SCARA5: variants seen among roughly 807,000 people sequenced by gnomAD.
The protein encoded by SCARA5 is scavenger receptor class A member 5.
A neutral mutation model predicts 46.3 loss-of-function variants in SCARA5; 45 were observed. The observed-to-expected ratio is 0.97, with a 90% CI of 0.76 to 1.24. The LOEUF is 1.24. SCARA5 is among the 50% of genes most tolerant of loss of function. The pLI is 0.00. For synonymous variants in SCARA5, 333 were observed against 306.5 expected, an observed-to-expected ratio of 1.09 and a Z score of -0.90; for missense variants, 680 against 689.0, an observed-to-expected ratio of 0.99 and a Z score of 0.15.
chr8:27,937,178 T>C (rs1807870457), intron 3 of SCARA5, among the ~76,000 whole-genome samples: 2 of 152,128 alleles, frequency 1.3e-5, no homozygotes, highest in Non-Finnish European at 2.9e-5. Flanking sequence ...AATACTGTAG[T>C]AGTATAAAGT....
intron 2 of SCARA5, among the ~76,000 whole-genome samples, chr8:27,980,962 G>T (rs1203745295): frequency 6.6e-6 from 1 of 152,104 alleles, no homozygotes; most frequent in Admixed American, 6.5e-5. Context: ...TGTTTCCTGG[G>T]AGTCCCTGGG....
At chr8:27,986,530 C>T (rs1222146762) in intron 2 of SCARA5, among the ~76,000 whole-genome samples, 1 of 152,116 alleles carries the variant, frequency 6.6e-6, no homozygotes, top group African/African-American at 2.4e-5. Flanking sequence ...GAAGAAGAGC[C>T]ACCATGGTGG....
In SCARA5 at chr8:27,871,475, GGGGA is replaced by G; in HGVS notation, c.*455_*458del. 6.1e-6 allele frequency: 6 copies of G among 990,184 alleles called. No individual in the cohort carries two copies. Among genetic ancestry groups the G allele is most frequent in the Non-Finnish European group, 7.2e-6 (6 of 832,786 alleles). The allele number at this position is 990,184 out of a possible 1,614,324, so 61.3% of individuals were successfully genotyped here. A position where few individuals can be genotyped will look rare whatever the true frequency, so the allele number is the denominator to read the frequency against. On this transcript the variant is annotated 3_prime_UTR_variant, in exon 9 of 9. Transcript: ENST00000354914. ...TCATCACTTGACGTTGCCTCTTGCTGGGGAGGAAGATGTAGAAACTCTTGGACTA... is the reference window on the plus strand; with the variant it reads ...TCATCACTTGACGTTGCCTCTTGCTGGGAAGATGTAGAAACTCTTGGACTA...
At chr8:27,985,256 T>A (rs1313423302) in intron 2 of SCARA5, among the ~76,000 whole-genome samples, 2 of 151,610 alleles carry the variant, frequency 1.3e-5, no homozygotes, top group African/African-American at 2.4e-5. Flanking sequence ...GGAGCTGAGC[T>A]AAGTCCTGGG....
chr8:27,957,171 GA>G (rs1307152969), intron 3 of SCARA5, among the ~76,000 whole-genome samples: 3 of 152,144 alleles, frequency 2.0e-5, no homozygotes, highest in Non-Finnish European at 2.9e-5. Flanking sequence ...TGCTTAAATA[GA>G]AAAGCTCCTT....
chr8:27,965,684 T>C (rs1044308691), intron 3 of SCARA5, among the ~76,000 whole-genome samples: 1 of 152,216 alleles, frequency 6.6e-6, no homozygotes, highest in Non-Finnish European at 1.5e-5. Context: ...CTTACTTGCG[T>C]CCAGTCCTAC....
chr8:27,957,426 C>A (rs148071375), intron 3 of SCARA5, among the ~76,000 whole-genome samples: 1 of 152,238 alleles, frequency 6.6e-6, no homozygotes, highest in Non-Finnish European at 1.5e-5. Context: ...CACAACACTT[C>A]GAAGTGGGCA....
At chr8:27,909,596 A>G in intron 5 of SCARA5, 67 bp downstream of exon 5, 1 of 1,161,574 alleles carries the variant, frequency 8.6e-7, no homozygotes, top group Non-Finnish European at 1.3e-6. Context: ...TTATACCATC[A>G]AGAAAGTAGC....
At chr8:27,876,449 CA>C (rs560588961) in intron 8 of SCARA5, among the ~76,000 whole-genome samples, 247 of 152,248 alleles carry the variant, frequency 1.6e-3, no homozygotes, top group Non-Finnish European at 2.8e-3. Context: ...ACTCGGGGAC[CA>C]ACCTGATGTG....
chr8:27,938,437 C>G (rs972291656), intron 3 of SCARA5, among the ~76,000 whole-genome samples: 3 of 152,058 alleles, frequency 2.0e-5, no homozygotes, highest in Admixed American at 6.6e-5. Flanking sequence ...TAGAAAGGGG[C>G]CCTCAAAGAC....
At position 27,909,739 on chromosome 8, in the gene SCARA5, T is replaced by C. The variant is rs1807341944; in HGVS notation, c.921A>G (p.Pro307=). The C allele has an allele frequency of 6.4e-7, 1 of 1,550,838 alleles. No individual in the cohort carries two copies. The highest frequency in any genetic ancestry group is 2.0e-5 in the Admixed American group (1 of 50,958). Residue 307 remains proline (P), a synonymous_variant, in exon 5 of 9, where the codon CCA becomes CCG. Transcript: ENST00000354914. ...ALRNISLAKG[P]PGPKGDQGDE... ...CCCCCTGATCACCTTTGGGTCCCGGTGGCCCTGGAAAGGCAAAAACAGCAC... is the reference window on the plus strand; with the variant it reads ...CCCCCTGATCACCTTTGGGTCCCGGCGGCCCTGGAAAGGCAAAAACAGCAC...
intron 4 of SCARA5, among the ~76,000 whole-genome samples, chr8:27,918,823 T>G (rs1336302257): frequency 6.3e-3 from 290 of 45,752 alleles, no homozygotes; most frequent in East Asian, 7.3e-3. Context: ...AGGAAAAGGA[T>G]AAGGAAGAAA....
intron 7 of SCARA5, among the ~76,000 whole-genome samples, chr8:27,890,207 G>A (rs4338058): frequency 0.11 from 17,359 of 152,226 alleles, 1,142 homozygotes; most frequent in East Asian, 0.21. Flanking sequence ...GGAAACTGAA[G>A]TTGACAGAGA....
At chr8:27,973,476 C>T (rs2129955787) in intron 2 of SCARA5, among the ~76,000 whole-genome samples, 3 of 152,096 alleles carry the variant, frequency 2.0e-5, no homozygotes, top group South Asian at 2.1e-4. Context: ...GACTCTGTCT[C>T]AAATAAATAA....
At chr8:27,902,369 TCTCACCTCCCTGCACCGTAGCTCTGGC>T in intron 7 of SCARA5, among the ~76,000 whole-genome samples, 1 of 152,008 alleles carries the variant, frequency 6.6e-6, no homozygotes, top group South Asian at 2.1e-4. Context: ...TGGCTCTGGC[TCTCACCTCCCTGCACCGTAGCTCTGGC>T]CTCAGGGCCC....
intron 7 of SCARA5, among the ~76,000 whole-genome samples, chr8:27,897,420 A>C (rs1438880972): frequency 6.6e-6 from 1 of 152,242 alleles, no homozygotes; most frequent in African/African-American, 2.4e-5. Context: ...TTTCATGTAC[A>C]TCTCAACGTA....
chr8:27,960,798 T>C (rs2129924969), intron 3 of SCARA5, among the ~76,000 whole-genome samples: 1 of 45,910 alleles, frequency 2.2e-5, no homozygotes, highest in Non-Finnish European at 4.3e-5. Flanking sequence ...TATATCCTGT[T>C]CATGAATTAT....
intron 3 of SCARA5, among the ~76,000 whole-genome samples, chr8:27,931,961 C>T (rs1035112037): frequency 2.1e-5 from 3 of 140,158 alleles, no homozygotes; most frequent in African/African-American, 5.0e-5. Flanking sequence ...GCCAAAGAAC[C>T]GTGCATTTTT....
chr8:27,899,289 T>C (rs567916791), intron 7 of SCARA5, among the ~76,000 whole-genome samples: 2 of 152,284 alleles, frequency 1.3e-5, no homozygotes, highest in East Asian at 1.9e-4. Flanking sequence ...GGGGCATTGG[T>C]CAATGTGCAA....
Sources: gnomAD v4.1 joint callset for allele counts (sites outside exome capture counted in the v4.1 genomes callset) on GRCh38, gnomAD v4.1.1 for gene constraint, MANE v1.5 for transcripts, NCBI Gene and HGNC (gene_info 2026-07-23, HGNC 2026-07-21) for gene names.